The following NSD1 variants were observed in gnomAD, a reference collection of about 807,000 sequenced individuals.
NSD1 encodes the protein nuclear receptor binding SET domain protein 1.
In NSD1, 26 loss-of-function variants were observed where a neutral mutation model predicts 242.7. That is an observed-to-expected ratio of 0.11 (90% CI 0.08 to 0.15). The LOEUF is 0.15. Among genes scored for constraint, NSD1 ranks in the 10% least tolerant of loss-of-function variants. The pLI is 1.00. For missense variants in NSD1, 2,495 were observed against 3,272.8 expected, an observed-to-expected ratio of 0.76 and a Z score of 5.80; for synonymous variants, 1,106 against 1,178.1, an observed-to-expected ratio of 0.94 and a Z score of 1.25.
intron 3 of NSD1, among the ~76,000 whole-genome samples, chr5:177,193,164 G>T (rs1761835071): frequency 6.6e-6 from 1 of 152,020 alleles, no homozygotes; most frequent in Non-Finnish European, 1.5e-5. Flanking sequence ...TTTTAGAGAA[G>T]AATTTCTGCT....
rs1284143447 is a variant in NSD1, at chr5:177,238,421, C to T, written c.4106C>T (p.Pro1369Leu). The change falls in exon 7 of 23, where the codon CCG becomes CTG. Residue 1369 changes from proline to leucine, a missense_variant. Transcript: ENST00000439151. This position sits in a 1 kb window ranked among gnomAD's most constrained non-coding sequence, Gnocchi z 4.6. The part of the protein sequence containing the change: ...SELGGGHAEL[P>L]QLTLSVPVAP... ...CTTGGAGGTGGACATGCTGAGTTGCCGCAGCTGACCTTGTCTGTGCCTGTG... is the reference window on the plus strand; with the variant it reads ...CTTGGAGGTGGACATGCTGAGTTGCTGCAGCTGACCTTGTCTGTGCCTGTG... 3.1e-6 allele frequency: 5 copies of T among 1,613,960 alleles called. No individual in the cohort carries two copies. Among genetic ancestry groups the T allele is most frequent in the Non-Finnish European group, 3.4e-6 (4 of 1,180,028 alleles).
chr5:177,180,988 A>G (rs1172103433), intron 2 of NSD1, among the ~76,000 whole-genome samples: 1 of 151,228 alleles, frequency 6.6e-6, no homozygotes, highest in Non-Finnish European at 1.5e-5. Context: ...GCTGATGATG[A>G]TATTTTAACA....
At position 177,282,569 on chromosome 5, in the gene NSD1, C is replaced by G. The variant is rs562617982; in HGVS notation, c.5997C>G (p.Leu1999=). The G allele has an allele frequency of 1.3e-6, 2 of 1,599,446 alleles. No individual in the cohort carries two copies. Among genetic ancestry groups the G allele is most frequent in the African/African-American group, 2.7e-5 (2 of 74,722 alleles). Reference sequence around the variant, plus strand: ...ATGATATCACTAATTTCTATATGCTCACCCTAGACAAAGTAAGTAATGGGA... The same window carrying G: ...ATGATATCACTAATTTCTATATGCTGACCCTAGACAAAGTAAGTAATGGGA... ...QEHDITNFYM[L]TLDKDRIIDA... The change falls in exon 19 of 23, where the codon CTC becomes CTG. Residue 1999 remains leucine, a synonymous_variant. Coordinates refer to ENST00000439151, the MANE Select transcript of NSD1 (RefSeq NM_022455.5).
In NSD1 at chr5:177,210,567, C is replaced by T. The variant is rs2149844780; in HGVS notation, c.2168C>T (p.Thr723Ile). Residue 723 changes from threonine (T) to isoleucine (I), a missense_variant, in exon 5 of 23, where the codon ACC (threonine) becomes ATC (isoleucine). By Grantham distance (89) the Thr-to-Ile change is moderately conservative. Around this residue, in one of 19 missense-constraint regions of NSD1, gnomAD observed 515 missense variants for 467.0 expected, o/e 1.10. Transcript: ENST00000439151. The stretch of plus-strand genomic sequence containing the variant: ...TGTACTAAGAGTGCAGAGCCTGGAA[C>T]CGAGACGTCTCAGGTTAATCTCTCT... ...MGCTKSAEPG[T>I]ETSQVNLSDL... 4 of 1,614,108 alleles carry T rather than the reference C, an allele frequency of 2.5e-6. No individual in the cohort carries two copies. Among genetic ancestry groups the T allele is most frequent in the Non-Finnish European group, 3.4e-6 (4 of 1,180,026 alleles).
Position 177,288,838 on chromosome 5 carries a change from C to T in NSD1, c.6171C>T (p.Asn2057=). 6.2e-7 allele frequency: 1 copy of T among 1,613,976 alleles called. No individual in the cohort carries two copies. Among genetic ancestry groups the T allele is most frequent in the East Asian group, 2.2e-5 (1 of 44,886 alleles). ...DIKAGTELTF[N]YNLECLGNGK... is the part of the protein sequence containing the mutation. Reference sequence around the variant, plus strand: ...ATGCAGGCACTGAACTTACCTTCAACTACAACCTAGAATGTCTTGGGAATG... The same window carrying T: ...ATGCAGGCACTGAACTTACCTTCAATTACAACCTAGAATGTCTTGGGAATG... Residue 2057 remains asparagine, a synonymous_variant, in exon 21 of 23, where the codon AAC becomes AAT. Coordinates refer to ENST00000439151, the MANE Select transcript of NSD1 (RefSeq NM_022455.5).
intron 17 of NSD1, 52 bp from the exon 18 acceptor site, chr5:177,280,513 A>C (rs895341412): frequency 6.8e-6 from 11 of 1,613,372 alleles, no homozygotes; most frequent in Non-Finnish European, 9.3e-6. Context: ...CAGGACGTGA[A>C]TTGTCTTCTG....
intron 14 of NSD1, 124 bp downstream of exon 14, chr5:177,260,292 C>G (rs1581469012): frequency 3.6e-6 from 3 of 833,350 alleles, no homozygotes; most frequent in Non-Finnish European, 5.8e-6. Context: ...TACTATTCAT[C>G]TGCCATTCAG....
intron 2 of NSD1, among the ~76,000 whole-genome samples, chr5:177,190,410 G>A (rs531937789): frequency 6.1e-4 from 93 of 152,162 alleles, no homozygotes; most frequent in Non-Finnish European, 1.2e-3. Flanking sequence ...CTCCCGAGTA[G>A]CTGGGATTAC....
At chr5:177,271,088 T>C (rs764601519) in intron 16 of NSD1, among the ~76,000 whole-genome samples, 5 of 152,284 alleles carry the variant, frequency 3.3e-5, no homozygotes, top group Non-Finnish European at 5.9e-5. Flanking sequence ...GCCTAAGCTC[T>C]GAGATTCTGC....
intron 2 of NSD1, among the ~76,000 whole-genome samples, chr5:177,155,561 CTT>C (rs58025377): frequency 1.2e-3 from 112 of 96,570 alleles, no homozygotes; most frequent in Middle Eastern, 7.6e-3. Flanking sequence ...ACCGCACTGG[CTT>C]TTTTTTTTTT....
chr5:177,242,738 G>A (rs1377940429), intron 8 of NSD1, among the ~76,000 whole-genome samples: 2 of 151,774 alleles, frequency 1.3e-5, no homozygotes, highest in African/African-American at 2.4e-5. Flanking sequence ...AATGGTAGTC[G>A]GGCTGGTCTC....
intron 3 of NSD1, 60 bp from the exon 4 acceptor site, chr5:177,204,060 C>T: frequency 6.6e-7 from 1 of 1,505,994 alleles, no homozygotes; most frequent in South Asian, 1.1e-5. Context: ...TGGCTGTTCT[C>T]TTAATGATGA....
chr5:177,262,582 A>G (rs368655280), intron 14 of NSD1, among the ~76,000 whole-genome samples: 9 of 152,248 alleles, frequency 5.9e-5, no homozygotes, highest in Non-Finnish European at 1.3e-4. Flanking sequence ...TTATTCCTCA[A>G]TAATACAGCT....
At position 177,238,677 on chromosome 5, in the gene NSD1, G is replaced by A. The variant is rs1418579051; in HGVS notation, c.4192+170G>A. Among the ~76,000 whole-genome samples the A allele has an allele frequency of 5.9e-5, 9 of 152,192 alleles. No homozygotes were observed. Among genetic ancestry groups the A allele is most frequent in the African/African-American group, 2.2e-4 (9 of 41,440 alleles). On this transcript the variant is annotated intron_variant, in intron 7 of 22. Coordinates refer to ENST00000439151, the MANE Select transcript of NSD1 (RefSeq NM_022455.5). This position sits in a 1 kb window ranked among gnomAD's most constrained non-coding sequence, Gnocchi z 4.6. Reference sequence around the variant, plus strand: ...TTAATTAGATATAGTTACTAACCATGAACTGTGGCACACTATCAAGAAGAT... The same window carrying A: ...TTAATTAGATATAGTTACTAACCATAAACTGTGGCACACTATCAAGAAGAT...
At chr5:177,241,302 G>A (rs983909041) in intron 8 of NSD1, among the ~76,000 whole-genome samples, 14 of 151,228 alleles carry the variant, frequency 9.3e-5, no homozygotes, top group Non-Finnish European at 2.1e-4. Context: ...TTGGAGACCA[G>A]CCTGGCCAAC....
Position 177,136,012 on chromosome 5 carries a change from T to G in NSD1, c.909T>G (p.Thr303=). 1 of 1,614,090 alleles carries G rather than the reference T, an allele frequency of 6.2e-7. No homozygotes were observed. The highest frequency in any genetic ancestry group is 8.5e-7 in the Non-Finnish European group (1 of 1,180,006). ...LELPGTSSSS[T]SQELPFCQPK... is the part of the protein sequence containing the mutation. Reference sequence around the variant, plus strand: ...TACCTGGAACTTCATCATCATCTACTTCACAGGAATTGCCATTTGTAAGCA... The same window carrying G: ...TACCTGGAACTTCATCATCATCTACGTCACAGGAATTGCCATTTGTAAGCA... Residue 303 remains threonine, a synonymous_variant, in exon 2 of 23, where the codon ACT becomes ACG. Coordinates refer to ENST00000439151, the MANE Select transcript of NSD1 (RefSeq NM_022455.5).
intron 2 of NSD1, among the ~76,000 whole-genome samples, chr5:177,144,398 A>G (rs1431429484): frequency 6.1e-5 from 9 of 148,372 alleles, no homozygotes; most frequent in Non-Finnish European, 1.2e-4. Context: ...TTTTTTCTCT[A>G]TTTTTCCAAA....
intron 2 of NSD1, among the ~76,000 whole-genome samples, chr5:177,173,423 G>A (rs886404304): frequency 5.9e-4 from 88 of 149,264 alleles, no homozygotes; most frequent in Admixed American, 7.4e-4. Flanking sequence ...GTAATTTCGA[G>A]TGTATGTCTT....
intron 17 of NSD1, among the ~76,000 whole-genome samples, chr5:177,274,981 G>A (rs994107034): frequency 7.2e-5 from 11 of 151,912 alleles, no homozygotes; most frequent in African/African-American, 1.7e-4. Flanking sequence ...TGATTCACCC[G>A]CCACAGCCTC....
Sources: gnomAD v4.1 joint callset for allele counts (sites outside exome capture counted in the v4.1 genomes callset) on GRCh38, gnomAD v4.1.1 for gene constraint, gnomAD v4.1.1 regional missense constraint, Gnocchi (gnomAD v3.1) non-coding constraint, MANE v1.5 for transcripts, NCBI Gene and HGNC (gene_info 2026-07-23, HGNC 2026-07-21) for gene names.